The following ZNF595 variants were observed in gnomAD, a reference collection of about 807,000 sequenced individuals.
The protein encoded by ZNF595 is zinc finger protein 595.
A neutral mutation model predicts 19.4 loss-of-function variants in ZNF595; 9 were observed. The observed-to-expected ratio is 0.46, with a 90% CI of 0.28 to 0.81. The LOEUF is 0.81. ZNF595 is among the 30% of genes least tolerant of loss of function. The pLI is 0.11. For missense variants in ZNF595, 729 were observed against 736.0 expected (o/e 0.99, Z 0.11); for synonymous variants, 255 against 255.9 (o/e 1.00, Z 0.03).
intron 3 of ZNF595, 107 bp from the exon 4 acceptor site, chr4:85,624 A>G (rs1553800922): frequency 1.5e-5 from 19 of 1,286,540 alleles, no homozygotes; most frequent in African/African-American, 1.5e-5. Context: ...ATATTTTGTT[A>G]TGCTATCTTA....
intron 3 of ZNF595, among the ~76,000 whole-genome samples, chr4:84,443 C>T: frequency 6.6e-6 from 1 of 152,132 alleles, no homozygotes; most frequent in East Asian, 1.9e-4. Flanking sequence ...AAGAGCTTTA[C>T]TTTTTCTTCA....
chr4:79,893 T>C lies in ZNF595; in HGVS notation c.227-5838T>C, dbSNP rs534941020. Among the ~76,000 whole-genome samples, 3 of 152,296 alleles carry C rather than the reference T, an allele frequency of 2.0e-5. No individual in the cohort carries two copies. In the East Asian group the frequency reaches 5.8e-4, roughly 29 times the overall value. ...ATGTTTTTCAAATTTTCATGTCTTT[T>C]TCAGTTTCTTGCCAATGTTTTATAA... is the stretch of plus-strand genomic sequence containing the variant. On this transcript the variant is annotated intron_variant, in intron 3 of 3. Transcript: ENST00000610261.
chr4:82,170 C>A (rs544180809), intron 3 of ZNF595, among the ~76,000 whole-genome samples: 1 of 152,142 alleles, frequency 6.6e-6, no homozygotes, highest in African/African-American at 2.4e-5. Flanking sequence ...TGGGGTGCTT[C>A]ATTGTCCCTT....
intron 3 of ZNF595, among the ~76,000 whole-genome samples, chr4:78,134 G>A (rs1365621733): frequency 2.0e-5 from 3 of 151,992 alleles, no homozygotes; most frequent in African/African-American, 4.8e-5. Flanking sequence ...TCAGCCTCCC[G>A]AGTAGCTGGG....
intron 3 of ZNF595, among the ~76,000 whole-genome samples, chr4:83,852 T>C (rs1479797967): frequency 6.6e-6 from 1 of 151,936 alleles, no homozygotes; most frequent in East Asian, 1.9e-4. Flanking sequence ...CTTTTGACTT[T>C]TGTGTGGATA....
At chr4:70,936 G>C (rs1483992689) in intron 3 of ZNF595, among the ~76,000 whole-genome samples, 1 of 152,144 alleles carries the variant, frequency 6.6e-6, no homozygotes, top group African/African-American at 2.4e-5. Context: ...ATTGCTTCAG[G>C]TAGTATTGAC....
intron 3 of ZNF595, among the ~76,000 whole-genome samples, chr4:83,809 G>C (rs1281452880): frequency 6.6e-6 from 1 of 151,110 alleles, no homozygotes; most frequent in Admixed American, 6.6e-5. Flanking sequence ...CTTGATTATT[G>C]TATTTTTGTC....
chr4:86,953 A>T lies in ZNF595; in HGVS notation c.1449A>T (p.Glu483Asp), dbSNP rs1553801890. Residue 483 changes from glutamate (E) to aspartate (D), a missense_variant, in exon 4 of 4, where the codon GAA becomes GAT. Physicochemically the swap from Glu to Asp is conservative, Grantham distance 45. Coordinates refer to ENST00000610261, the MANE Select transcript of ZNF595 (RefSeq NM_182524.4). ...CTGGCGAGAAACCCTACAAATGTGA[A>T]GAATGTGGCAAAGCTTTCATATGGT... ...IHTGEKPYKC[E>D]ECGKAFIWSA... The T allele has an allele frequency of 6.2e-7, 1 of 1,613,920 alleles. No individual in the cohort carries two copies.
chr4:63,102 T>A (rs1712914443), intron 3 of ZNF595, among the ~76,000 whole-genome samples: 1 of 126,484 alleles, frequency 7.9e-6, no homozygotes, highest in African/African-American at 3.3e-5. Context: ...TTGGTGGCCT[T>A]GTCAAAGATT....
intron 3 of ZNF595, among the ~76,000 whole-genome samples, chr4:78,281 T>G (rs564678792): frequency 3.5e-4 from 53 of 152,318 alleles, no homozygotes; most frequent in Non-Finnish European, 6.3e-4. Flanking sequence ...GTCCTCAGAT[T>G]ACAGGCGTGA....
rs565633008 is a variant in ZNF595 at position 83,196 on chromosome 4, T to C, written c.227-2535T>C. Among the ~76,000 whole-genome samples, 3 of 152,316 alleles carry C rather than the reference T, an allele frequency of 2.0e-5. No individual in the cohort carries two copies. The South Asian group carries it at 6.2e-4, about 32-fold the overall frequency. ...AAATAAGTTTTATGAAATGGGAGTT[T>C]TTGACTTTAGATGTACTTTGGGTAA... On this transcript the variant is annotated intron_variant, in intron 3 of 3. Transcript: ENST00000610261.
At chr4:81,764 T>G (rs1713918655) in intron 3 of ZNF595, among the ~76,000 whole-genome samples, 1 of 152,216 alleles carries the variant, frequency 6.6e-6, no homozygotes, top group Non-Finnish European at 1.5e-5. Flanking sequence ...TTTAGATATC[T>G]CATGTGAGTT....
chr4:76,785 T>C (rs186872349), intron 3 of ZNF595, among the ~76,000 whole-genome samples: 163 of 152,310 alleles, frequency 1.1e-3, no homozygotes, highest in African/African-American at 3.7e-3. Flanking sequence ...CACTCCTATC[T>C]GGCTTGCATG....
Position 80,561 on chromosome 4 carries a change from A to G in ZNF595, c.227-5170A>G, listed in dbSNP as rs544400633. On this transcript the variant is annotated intron_variant, in intron 3 of 3. Transcript: ENST00000610261. ...GGGTGCAGACGAGCTGAGTCCAAAA[A>G]AGAGAGTCAGCGAAGGGAGATAGGG... Among the ~76,000 whole-genome samples, 17 of 152,210 alleles carry G rather than the reference A, an allele frequency of 1.1e-4. No individual in the cohort carries two copies. The South Asian group carries it at 3.5e-3, about 32-fold the overall frequency.
At chr4:56,003 CA>C (rs1158053528) in intron 1 of ZNF595, among the ~76,000 whole-genome samples, 4 of 38,090 alleles carry the variant, frequency 1.1e-4, no homozygotes, top group African/African-American at 3.6e-4. Context: ...ATGTTATACA[CA>C]AAATGTCGAG....
chr4:69,362 G>C (rs1713335904), intron 3 of ZNF595, among the ~76,000 whole-genome samples: 1 of 152,136 alleles, frequency 6.6e-6, no homozygotes, highest in African/African-American at 2.4e-5. Flanking sequence ...TTCACACCAA[G>C]AGAATGCTAG....
At chr4:66,711 T>C (rs1581332607) in intron 3 of ZNF595, among the ~76,000 whole-genome samples, 4 of 152,368 alleles carry the variant, frequency 2.6e-5, no homozygotes, top group African/African-American at 9.6e-5. Context: ...TTTCTCTTAT[T>C]GTGTGGTTAT....
At chr4:66,558 A>G (rs1581332275) in intron 3 of ZNF595, among the ~76,000 whole-genome samples, 1 of 151,100 alleles carries the variant, frequency 6.6e-6, no homozygotes, top group Admixed American at 6.6e-5. Context: ...ATTTTCTTCT[A>G]AAGATTGTAT....
intron 3 of ZNF595, among the ~76,000 whole-genome samples, chr4:69,209 T>C (rs1052474994): frequency 6.6e-6 from 1 of 152,248 alleles, no homozygotes; most frequent in Non-Finnish European, 1.5e-5. Flanking sequence ...ACTGCTGCAA[T>C]AAAATGGAGG....
Sources: gnomAD v4.1 joint callset for allele counts (sites outside exome capture counted in the v4.1 genomes callset) on GRCh38, gnomAD v4.1.1 for gene constraint, MANE v1.5 for transcripts, NCBI Gene and HGNC (gene_info 2026-07-23, HGNC 2026-07-21) for gene names.